Variants in JMJD1C observed in about 807,000 individuals in gnomAD.
The protein encoded by JMJD1C is jumonji domain containing 1C, also known as jumonji domain-containing protein 1C.
JMJD1C carries 31 observed loss-of-function variants against 245.3 expected under a neutral mutation model. That is an observed-to-expected ratio of 0.13 (90% CI 0.09 to 0.17). The LOEUF (loss-of-function observed/expected upper bound fraction) is 0.17, where lower values mean the gene tolerates loss of function less well. JMJD1C is among the 10% of genes least tolerant of loss of function. JMJD1C has a pLI of 1.00. For synonymous variants in JMJD1C, 1,057 were observed against 1,017.4 expected, an observed-to-expected ratio of 1.04 and a Z score of -0.74; for missense variants, 2,691 against 3,000.2, an observed-to-expected ratio of 0.90 and a Z score of 2.41.
chr10:63,335,550 C>T (rs1037938907), intron 2 of JMJD1C, among the ~76,000 whole-genome samples: 5 of 152,152 alleles, frequency 3.3e-5, no homozygotes, highest in Non-Finnish European at 5.9e-5. Context: ...CTTACTCTGA[C>T]GCCCAGGCTG....
chr10:63,392,717 C>T (rs972206778), intron 1 of JMJD1C, among the ~76,000 whole-genome samples: 16 of 147,990 alleles, frequency 1.1e-4, no homozygotes, highest in African/African-American at 2.5e-4. Context: ...CCCAGCTACT[C>T]GGGAGGCTGA....
chr10:63,402,049 G>A lies in JMJD1C; in HGVS notation c.169-21567C>T, dbSNP rs542570322. Among the ~76,000 whole-genome samples the A allele has an allele frequency of 9.9e-5, 15 of 151,322 alleles. No individual in the cohort carries two copies. In the East Asian group the frequency reaches 2.4e-3, roughly 24 times the overall value. ...CTCGGGAAGCTGAGGAAAGAGAATC[G>A]CTTGAACCTGGGAGGCAGAGTTTGC... On this transcript the variant is annotated intron_variant, in intron 1 of 25. Coordinates refer to ENST00000399262, the MANE Select transcript of JMJD1C (RefSeq NM_032776.3).
intron 2 of JMJD1C, among the ~76,000 whole-genome samples, chr10:63,283,665 C>T (rs1857656593): frequency 6.6e-6 from 1 of 152,134 alleles, no homozygotes; most frequent in Non-Finnish European, 1.5e-5. Flanking sequence ...CTGCACCTGG[C>T]CTTTCTGAGC....
intron 2 of JMJD1C, among the ~76,000 whole-genome samples, chr10:63,352,475 T>C (rs916650781): frequency 6.6e-6 from 1 of 151,800 alleles, no homozygotes; most frequent in Non-Finnish European, 1.5e-5. Flanking sequence ...CCATCTCTAC[T>C]AAAAATACAA....
chr10:63,225,735 C>T (rs1219936178), intron 3 of JMJD1C, among the ~76,000 whole-genome samples: 1 of 150,574 alleles, frequency 6.6e-6, no homozygotes, highest in Non-Finnish European at 1.5e-5. Context: ...GCTGAGATGG[C>T]GCCATTGCAC....
At chr10:63,192,444 T>C (rs1472578150) in intron 16 of JMJD1C, among the ~76,000 whole-genome samples, 1 of 152,048 alleles carries the variant, frequency 6.6e-6, no homozygotes, top group Non-Finnish European at 1.5e-5. Flanking sequence ...GATGCATGCC[T>C]TTAGTCCCAT....
chr10:63,257,045 G>A (rs1376473257), intron 3 of JMJD1C, among the ~76,000 whole-genome samples: 1 of 151,948 alleles, frequency 6.6e-6, no homozygotes, highest in Non-Finnish European at 1.5e-5. Context: ...GAACATCCTG[G>A]CCAACACTGG....
chr10:63,181,918 G>A (rs1457668622), intron 22 of JMJD1C, among the ~76,000 whole-genome samples: 1 of 152,176 alleles, frequency 6.6e-6, no homozygotes, highest in Non-Finnish European at 1.5e-5. Context: ...ACTCAAGTGT[G>A]CCCACTGACT....
chr10:63,269,442 T>C (rs1449598733), intron 2 of JMJD1C, among the ~76,000 whole-genome samples: 1 of 152,196 alleles, frequency 6.6e-6, no homozygotes, highest in Non-Finnish European at 1.5e-5. Flanking sequence ...GTCTCCTTCA[T>C]AAAGCAAATG....
chr10:63,338,640 A>ATTTTTTTTTTTTT (rs34238197), intron 2 of JMJD1C, among the ~76,000 whole-genome samples: 8 of 95,122 alleles, frequency 8.4e-5, no homozygotes, highest in African/African-American at 8.4e-5. Flanking sequence ...TGCTCCTTAG[A>ATTTTTTTTTTTTT]TTTTTTTTTT....
rs117844926 is a variant in JMJD1C, at chr10:63,454,753, G to A, written c.168+10742C>T. Among the ~76,000 whole-genome samples, 211 of 152,252 alleles carry A rather than the reference G, an allele frequency of 1.4e-3. 2 individuals carry two copies. Among genetic ancestry groups the A allele is most frequent in the Non-Finnish European group, 2.2e-3 (153 of 68,022 alleles). On this transcript the variant is annotated intron_variant, in intron 1 of 25. Transcript: ENST00000399262. Reference sequence around the variant, plus strand: ...GCCTGATTTTTCATTTTATTGAAGTGCCACACATTAGTGGCTACCATACTG... The same window carrying A: ...GCCTGATTTTTCATTTTATTGAAGTACCACACATTAGTGGCTACCATACTG...
chr10:63,169,295 G>T (rs1253724519), intron 24 of JMJD1C, among the ~76,000 whole-genome samples: 1 of 152,112 alleles, frequency 6.6e-6, no homozygotes, highest in Non-Finnish European at 1.5e-5. Flanking sequence ...CTTTGCACTT[G>T]ACTATTAGAG....
At position 63,167,745 on chromosome 10, in the gene JMJD1C, AT is replaced by A. The variant is rs1407666614; in HGVS notation, c.*299del. On this transcript the variant is annotated 3_prime_UTR_variant, in exon 26 of 26. Transcript: ENST00000399262. Reference sequence around the variant, plus strand: ...TCAACAATATAGCATAGAATTTTTTATTTTTTACCAAAAATAAATACATCAT... The same window carrying A: ...TCAACAATATAGCATAGAATTTTTTATTTTTACCAAAAATAAATACATCAT... 1 of 218,672 alleles carries A rather than the reference AT, an allele frequency of 4.6e-6. No individual in the cohort carries two copies. The highest frequency in any genetic ancestry group is 9.1e-6 in the Non-Finnish European group (1 of 110,198). 13.5% of individuals were successfully genotyped at this position (218,672 alleles called of 1,614,324 possible).
rs899180673 is a variant in JMJD1C, at chr10:63,339,411, A to C, written c.333+40907T>G. ...ACTTGCATATACACGGTATGAGAAA[A>C]TGGTGGAGGAATGAACAAAACACAT... On this transcript the variant is annotated intron_variant, in intron 2 of 25. Transcript: ENST00000399262. Among the ~76,000 whole-genome samples the C allele has an allele frequency of 2.6e-5, 4 of 152,272 alleles. No individual in the cohort carries two copies. The East Asian group carries it at 5.9e-4, about 22-fold the overall frequency.
intron 1 of JMJD1C, among the ~76,000 whole-genome samples, chr10:63,472,049 A>G (rs982735825): frequency 2.6e-5 from 4 of 152,100 alleles, no homozygotes; most frequent in Admixed American, 2.0e-4. Flanking sequence ...AAAACAAACA[A>G]ACAAACAAAC....
chr10:63,354,500 CA>C (rs1944635203), intron 2 of JMJD1C, among the ~76,000 whole-genome samples: 1 of 151,976 alleles, frequency 6.6e-6, no homozygotes, highest in Non-Finnish European at 1.5e-5. Flanking sequence ...CTGGATTTAA[CA>C]ATCTTATCCT....
chr10:63,214,032 G>A lies in JMJD1C; in HGVS notation c.2135C>T (p.Thr712Ile), dbSNP rs935797334. 6.2e-7 allele frequency: 1 copy of A among 1,614,074 alleles called. No individual in the cohort carries two copies. Among genetic ancestry groups the A allele is most frequent in the African/African-American group, 1.3e-5 (1 of 74,930 alleles). ...PLIIDKNEHF[T>I]VYRDPALIGS... ...AATAAGTGCAGGATCTCTGTAAACTGTAAAATGCTCATTTTTATCAATGAT... is the reference window on the plus strand; with the variant it reads ...AATAAGTGCAGGATCTCTGTAAACTATAAAATGCTCATTTTTATCAATGAT... The change falls in exon 8 of 26, where the codon ACA becomes ATA. Residue 712 changes from threonine (T) to isoleucine (I), a missense_variant. Thr to Ile is a moderately conservative substitution (Grantham distance 89). Transcript: ENST00000399262.
intron 2 of JMJD1C, among the ~76,000 whole-genome samples, chr10:63,289,502 T>A (rs1275179982): frequency 1.3e-5 from 2 of 152,228 alleles, no homozygotes; most frequent in African/African-American, 4.8e-5. Flanking sequence ...TTGTTTTTTC[T>A]AGCAGTGGCA....
At chr10:63,184,807 T>C in intron 20 of JMJD1C, 69 bp from the exon 21 acceptor site, 1 of 1,449,466 alleles carries the variant, frequency 6.9e-7, no homozygotes, top group South Asian at 1.3e-5. Context: ...ACATATATAA[T>C]TTTCAAGTTG....
Sources: gnomAD v4.1 joint callset for allele counts (sites outside exome capture counted in the v4.1 genomes callset) on GRCh38, gnomAD v4.1.1 for gene constraint, MANE v1.5 for transcripts, NCBI Gene and HGNC (gene_info 2026-07-23, HGNC 2026-07-21) for gene names.